Variants in CCDC188 observed in about 807,000 individuals in gnomAD.
The protein encoded by CCDC188 is coiled-coil domain-containing protein 188.
In CCDC188, 37 loss-of-function variants were observed where a neutral mutation model predicts 50.7. The ratio of observed to expected loss-of-function variants is 0.73; its 90% confidence interval spans 0.56 to 0.96. The LOEUF (loss-of-function observed/expected upper bound fraction) is 0.96. CCDC188 is among the 40% of genes least tolerant of loss of function. CCDC188 has a pLI of 0.00. For synonymous variants in CCDC188, 208 were observed against 228.0 expected (o/e 0.91, Z 0.79); for missense variants, 453 against 512.9 (o/e 0.88, Z 1.13).
intron 7 of CCDC188, 44 bp downstream of exon 7, chr22:20,149,142 TG>T (rs1488427064): frequency 2.1e-6 from 3 of 1,397,520 alleles, no homozygotes; most frequent in South Asian, 1.5e-5. Context: ...GGGCCCTGGG[TG>T]GGGGGCTGGT....
At position 20,148,463 on chromosome 22, in the gene CCDC188, C is replaced by T. The variant is rs2050555002; in HGVS notation, c.*151G>A. The stretch of plus-strand genomic sequence containing the variant: ...TTCTATGTCCAGCCACAGGCCCAGC[C>T]CTCAGGACAGACCCCACCTCCACCC... On this transcript the variant is annotated 3_prime_UTR_variant, in exon 9 of 9. Transcript: ENST00000439765. The T allele has an allele frequency of 1.5e-6, 2 of 1,363,884 alleles. No homozygotes were observed. Among genetic ancestry groups the T allele is most frequent in the East Asian group, 3.0e-5 (1 of 33,410 alleles). The allele number at this position is 1,363,884 out of a possible 1,614,324, so 84.5% of individuals were successfully genotyped here.
Position 20,150,207 on chromosome 22 carries a change from A to G in CCDC188, c.563T>C (p.Leu188Pro), listed in dbSNP as rs2050599505. The G allele has an allele frequency of 3.2e-6, 5 of 1,547,220 alleles. No individual in the cohort carries two copies. In the Middle Eastern group the frequency reaches 6.7e-4, roughly 206 times the overall value. The change falls in exon 2 of 9, where the codon CTG becomes CCG. Residue 188 changes from leucine to proline, a missense_variant. By Grantham distance (98) the Leu-to-Pro change is moderately conservative. Transcript: ENST00000439765. ...QELREQLGAL[L>P]GPGQQFLPLC... ...GGGCAGGAACTGCTGCCCCGGCCCC[A>G]GGAGGGCCCCCAGCTGCTCCCGAAG...
chr22:20,150,468 C>G lies in CCDC188; in HGVS notation c.519G>C (p.Leu173=). 1.3e-6 allele frequency: 2 copies of G among 1,534,058 alleles called. No homozygotes were observed. The highest frequency in any genetic ancestry group is 1.7e-6 in the Non-Finnish European group (2 of 1,143,630). ...CTGGGGCGGTGGGTGGGGTGCTCAC[C>G]AGGCTGTGGTTCTCCTGCTCCAGCT... ...FLQLEQENHS[L]KRQNQELREQ... Residue 173 remains leucine (L), a splice_region_variant and synonymous_variant, in exon 1 of 9, where the codon CTG becomes CTC. Coordinates refer to ENST00000439765, the MANE Select transcript of CCDC188 (RefSeq NM_001365892.2).
intron 3 of CCDC188, 33 bp from the exon 4 acceptor site, chr22:20,149,813 C>G: frequency 1.3e-6 from 2 of 1,489,704 alleles, no homozygotes; most frequent in South Asian, 2.7e-5. Flanking sequence ...GCTTGGGCAG[C>G]ATCAGCAGGG....
intron 1 of CCDC188, 43 bp downstream of exon 1, chr22:20,150,425 G>GTGGGGC (rs560586592): frequency 0.3 from 396,734 of 1,320,718 alleles, 75,525 homozygotes; most frequent in East Asian, 0.48. Flanking sequence ...CAGGCGGTGG[G>GTGGGGC]TGGGGCTGGG....
rs1364839647 is a variant in CCDC188 at position 20,150,995 on chromosome 22, G to A, written c.-9C>T. 6.5e-6 allele frequency: 9 copies of A among 1,383,292 alleles called. No individual in the cohort carries two copies. Among genetic ancestry groups the A allele is most frequent in the Non-Finnish European group, 8.5e-6 (9 of 1,064,262 alleles). The allele number at this position is 1,383,292 out of a possible 1,614,324, so 85.7% of individuals were successfully genotyped here. A position where few individuals can be genotyped will look rare whatever the true frequency, so the allele number is the denominator to read the frequency against. On this transcript the variant is annotated 5_prime_UTR_variant, in exon 1 of 9. Transcript: ENST00000439765. ...GTTTTCAGCCCCTCCATCCCTCCCT[G>A]CAACCCCTTCCTGATCCCAGGTCCA...
rs1489556150 is a variant in CCDC188, at chr22:20,149,464, C to T, written c.862G>A (p.Asp288Asn). 3.2e-6 allele frequency: 5 copies of T among 1,550,162 alleles called. No individual in the cohort carries two copies. The South Asian group carries it at 5.9e-5, about 18-fold the overall frequency. ...ATCTGGTCCAGCACGCCCCGGATGT[C>T]CTTCTTGAGGTTCTGGGGGCCAGAG... Reference protein sequence around the residue: ...QATGLLNLKKDIRGVLDQMED... With the variant: ...QATGLLNLKKNIRGVLDQMED... The change falls in exon 6 of 9, where the codon GAC (aspartate) becomes AAC (asparagine). Residue 288 changes from aspartate to asparagine, a missense_variant. Coordinates refer to ENST00000439765, the MANE Select transcript of CCDC188 (RefSeq NM_001365892.2).
Position 20,149,618 on chromosome 22 carries a change from A to G in CCDC188, c.812T>C (p.Met271Thr). 6.5e-7 allele frequency: 1 copy of G among 1,550,122 alleles called. No individual in the cohort carries two copies. Among genetic ancestry groups the G allele is most frequent in the Non-Finnish European group, 8.7e-7 (1 of 1,146,878 alleles). Residue 271 changes from methionine (M) to threonine (T), a missense_variant, in exon 5 of 9, where the codon ATG becomes ACG. Transcript: ENST00000439765. ...GGCCTGGTTGTTCAGGGCCATGTGC[A>G]TCTCAGCCACGTTGTCCCACACCTA... ...ITEVWDNVAE[M>T]HMALNNQATG...
In CCDC188 at chr22:20,148,617, G is replaced by A; in HGVS notation, c.1206C>T (p.Phe402=). 1 of 1,542,644 alleles carries A rather than the reference G, an allele frequency of 6.5e-7. No homozygotes were observed. Among genetic ancestry groups the A allele is most frequent in the East Asian group, 2.5e-5 (1 of 40,670 alleles). ...LRLKVDGFLP[F] The stretch of plus-strand genomic sequence containing the variant: ...CTGGGGCCGCTGGGCCTCTGGCCTA[G>A]AAGGGCAGGAAGCCGTCCACTTTGA... Residue 402 remains phenylalanine (F), a synonymous_variant, in exon 9 of 9, where the codon TTC becomes TTT. Coordinates refer to ENST00000439765, the MANE Select transcript of CCDC188 (RefSeq NM_001365892.2).
In CCDC188 at chr22:20,149,218, G is replaced by A; in HGVS notation, c.941C>T (p.Ala314Val). The part of the protein sequence containing the change: ...LRERAQCRTR[A>V]RKEKQMASMS... ...GCTTGCCATCTGCTTCTCCTTCCTG[G>A]CTCGAGTGCGGCACTGGGCCCGCTC... is the stretch of plus-strand genomic sequence containing the variant. Residue 314 changes from alanine to valine, a missense_variant, in exon 7 of 9, where the codon GCC becomes GTC. Coordinates refer to ENST00000439765, the MANE Select transcript of CCDC188 (RefSeq NM_001365892.2). The A allele has an allele frequency of 1.4e-6, 2 of 1,472,970 alleles. No homozygotes were observed. Among genetic ancestry groups the A allele is most frequent in the Non-Finnish European group, 1.8e-6 (2 of 1,108,828 alleles). The allele number at this position is 1,472,970 out of a possible 1,614,324, so 91.2% of individuals were successfully genotyped here. A position where few individuals can be genotyped will look rare whatever the true frequency, so the allele number is the denominator to read the frequency against.
rs1209909817 is a variant in CCDC188, at chr22:20,148,746, G to A, written c.1077C>T (p.Tyr359=). The stretch of plus-strand genomic sequence containing the variant: ...AAGGTGTGGGGTTCACCACGTACAC[G>A]TAGGCAGCGGTCCAGACCAGCAGGG... ...LGALLVWTAA[Y]VYVVNPTPFE... Residue 359 remains tyrosine (Y), a synonymous_variant, in exon 9 of 9, where the codon TAC becomes TAT. Transcript: ENST00000439765. 1.1e-5 allele frequency: 17 copies of A among 1,499,124 alleles called. No individual in the cohort carries two copies. Among genetic ancestry groups the A allele is most frequent in the South Asian group, 2.6e-5 (2 of 78,010 alleles). 92.9% of individuals were successfully genotyped at this position (1,499,124 alleles called of 1,614,324 possible).
At position 20,150,474 on chromosome 22, in the gene CCDC188, G is replaced by A. The variant is rs1383056574; in HGVS notation, c.513C>T (p.His171=). ...QSFLQLEQEN[H]SLKRQNQELR... Reference sequence around the variant, plus strand: ...CGGTGGGTGGGGTGCTCACCAGGCTGTGGTTCTCCTGCTCCAGCTGCAGGA... The same window carrying A: ...CGGTGGGTGGGGTGCTCACCAGGCTATGGTTCTCCTGCTCCAGCTGCAGGA... The change falls in exon 1 of 9, where the codon CAC becomes CAT. Residue 171 remains histidine (H), a synonymous_variant. Coordinates refer to ENST00000439765, the MANE Select transcript of CCDC188 (RefSeq NM_001365892.2). The A allele has an allele frequency of 5.8e-6, 9 of 1,540,086 alleles. No individual in the cohort carries two copies. In the South Asian group the frequency reaches 7.2e-5, roughly 12 times the overall value.
At chr22:20,148,850 T>C in intron 8 of CCDC188, 25 bp downstream of exon 8, 1 of 1,471,194 alleles carries the variant, frequency 6.8e-7, no homozygotes, top group Non-Finnish European at 9.0e-7. Flanking sequence ...GCCTGGGGGC[T>C]GGGCTCTGCC....
Position 20,149,952 on chromosome 22 carries a change from C to T in CCDC188, c.732+3G>A. ...CCCCCCACAGCCCCTCCCCCAGGCC[C>T]ACCTGGGACTGTTGCACGAAAGCCT... On this transcript the variant is annotated splice_donor_region_variant and intron_variant, in intron 3 of 8. Coordinates refer to ENST00000439765, the MANE Select transcript of CCDC188 (RefSeq NM_001365892.2). The T allele has an allele frequency of 1.3e-6, 2 of 1,542,836 alleles. No individual in the cohort carries two copies. Among genetic ancestry groups the T allele is most frequent in the Non-Finnish European group, 1.7e-6 (2 of 1,143,356 alleles).
At chr22:20,150,303 TG>T in intron 1 of CCDC188, 53 bp from the exon 2 acceptor site, 1 of 997,034 alleles carries the variant, frequency 1.0e-6, no homozygotes, top group African/African-American at 2.1e-5. Context: ...CTCCTGCGGC[TG>T]GGGCTGGGGC....
intron 4 of CCDC188, 37 bp from the exon 5 acceptor site, chr22:20,149,677 C>A (rs1231913834): frequency 1.3e-6 from 2 of 1,545,642 alleles, no homozygotes; most frequent in East Asian, 4.9e-5. Context: ...GGAGCAGGAC[C>A]CACTGGGTGG....
Position 20,150,022 on chromosome 22 carries a change from C to T in CCDC188, c.665G>A (p.Arg222Lys). 1 of 1,548,402 alleles carries T rather than the reference C, an allele frequency of 6.5e-7. No individual in the cohort carries two copies. The highest frequency in any genetic ancestry group is 8.7e-7 in the Non-Finnish European group (1 of 1,146,692). Residue 222 changes from arginine (R) to lysine (K), a missense_variant, in exon 3 of 9, where the codon AGG (arginine) becomes AAG (lysine). Transcript: ENST00000439765. ...CCGCCGCAGCAGCTGCAGAGGTGCC[C>T]TGTTCCCCAAGGGCTGCGTGCCAGC... ...DPAGTQPLGNRAPLQLLRREL... is the reference protein window; with the variant it reads ...DPAGTQPLGNKAPLQLLRREL...
rs1287899613 is a variant in CCDC188 at position 20,149,426 on chromosome 22, C to T, written c.900G>A (p.Gln300=). 4.5e-6 allele frequency: 7 copies of T among 1,550,184 alleles called. No homozygotes were observed. The highest frequency in any genetic ancestry group is 6.1e-6 in the Non-Finnish European group (7 of 1,146,906). Residue 300 remains glutamine, a synonymous_variant, in exon 6 of 9, where the codon CAG becomes CAA. Transcript: ENST00000439765. ...CCCCGTGTTACCTGAGAATCTCCAG[C>T]TGGATGTCCTCCATCTGGTCCAGCA... is the stretch of plus-strand genomic sequence containing the variant. ...RGVLDQMEDI[Q]LEILRERAQC...
At chr22:20,149,919 C>A (rs2050593115) in intron 3 of CCDC188, 36 bp downstream of exon 3, 1 of 1,514,062 alleles carries the variant, frequency 6.6e-7, no homozygotes, top group Non-Finnish European at 8.9e-7. Context: ...TGTTACGAAG[C>A]TTCCTCCCCC....
Sources: allele counts gnomAD v4.1 joint callset, GRCh38; gene constraint gnomAD v4.1.1; transcripts MANE v1.5; gene names NCBI Gene and HGNC (gene_info 2026-07-23, HGNC 2026-07-21).